ESR1: variants seen among roughly 807,000 people sequenced by gnomAD.
ESR1 encodes estrogen receptor.
ESR1 carries 12 observed loss-of-function variants against 52.7 expected under a neutral mutation model. That is an observed-to-expected ratio of 0.23 (90% CI 0.15 to 0.37). The LOEUF is 0.37. ESR1 is among the 10% of genes least tolerant of loss of function. The probability of loss-of-function intolerance (pLI) is 1.00; values close to 1 mark genes in which losing one functional copy is unlikely to be tolerated. For synonymous variants in ESR1, 305 were observed against 316.8 expected, an observed-to-expected ratio of 0.96 and a Z score of 0.39; for missense variants, 584 against 779.7, an observed-to-expected ratio of 0.75 and a Z score of 2.99.
At chr6:152,087,260 G>A (rs1188864608) in intron 6 of ESR1, among the ~76,000 whole-genome samples, 1 of 152,120 alleles carries the variant, frequency 6.6e-6, no homozygotes, top group African/African-American at 2.4e-5. Context: ...GAAGAGAAAT[G>A]ACTTCTAAAT....
intron 4 of ESR1, among the ~76,000 whole-genome samples, chr6:151,992,470 C>G (rs1453241672): frequency 6.6e-6 from 1 of 152,082 alleles, no homozygotes; most frequent in Non-Finnish European, 1.5e-5. Flanking sequence ...TTTATGTTTT[C>G]TTATGCGTTT....
chr6:151,992,445 T>A (rs2041115147), intron 4 of ESR1, among the ~76,000 whole-genome samples: 1 of 152,258 alleles, frequency 6.6e-6, no homozygotes, highest in Non-Finnish European at 1.5e-5. Flanking sequence ...CTTGACATAA[T>A]GTTTTCAAGG....
intron 1 of ESR1, among the ~76,000 whole-genome samples, chr6:151,666,314 G>C (rs571361727): frequency 6.6e-6 from 1 of 152,156 alleles, no homozygotes; most frequent in African/African-American, 2.4e-5. Context: ...AGAGACACAC[G>C]CACTTCCTTT....
intron 2 of ESR1, among the ~76,000 whole-genome samples, chr6:151,726,370 C>T (rs1446211989): frequency 2.0e-5 from 3 of 150,930 alleles, no homozygotes; most frequent in South Asian, 4.2e-4. Context: ...CTCACTCTGT[C>T]GCCCAGGCTG....
At chr6:152,008,788 T>C (rs1022993707) in intron 4 of ESR1, among the ~76,000 whole-genome samples, 1 of 151,526 alleles carries the variant, frequency 6.6e-6, no homozygotes, top group Admixed American at 6.6e-5. Flanking sequence ...AAGCCTCCCT[T>C]TTGAATGTTA....
upstream of ESR1, among the ~76,000 whole-genome samples, chr6:151,686,965 G>A (rs991651530): frequency 1.2e-4 from 18 of 152,162 alleles, no homozygotes; most frequent in Non-Finnish European, 1.8e-4. Flanking sequence ...CAGCTCATGG[G>A]CTTTCTCTGT....
intron 1 of ESR1, among the ~76,000 whole-genome samples, chr6:151,666,779 G>A (rs1376149149): frequency 2.1e-5 from 3 of 143,792 alleles, no homozygotes; most frequent in Non-Finnish European, 4.5e-5. Context: ...GTTGCAGAAC[G>A]AATGAAGGCA....
chr6:151,686,064 A>ATTTTTTTTTTTTTTTTTTTTTTTTTTTT (rs557270210), upstream of ESR1, among the ~76,000 whole-genome samples: 14 of 114,338 alleles, frequency 1.2e-4, no homozygotes, highest in African/African-American at 4.6e-4. Flanking sequence ...AATTAAAACA[A>ATTTTTTTTTTTTTTTTTTTTTTTTTTTT]TTTTTTTTTT....
intron 4 of ESR1, among the ~76,000 whole-genome samples, chr6:151,958,743 G>A (rs3020396): frequency 0.55 from 83,299 of 152,022 alleles, 24,940 homozygotes; most frequent in Middle Eastern, 0.72. Flanking sequence ...TTATCTGTAC[G>A]TGAGAGAACA....
chr6:151,762,904 C>T (rs984495274), intron 2 of ESR1, among the ~76,000 whole-genome samples: 5 of 152,088 alleles, frequency 3.3e-5, no homozygotes, highest in African/African-American at 7.2e-5. Context: ...CACGCCACTG[C>T]ACTCTAGCCT....
intron 2 of ESR1, among the ~76,000 whole-genome samples, chr6:151,855,463 C>G (rs777932311): frequency 6.6e-6 from 1 of 152,166 alleles, no homozygotes; most frequent in Non-Finnish European, 1.5e-5. Flanking sequence ...CTGTCCACAC[C>G]TAGAGACCTC....
At chr6:152,063,771 G>A (rs1317460466) in intron 6 of ESR1, among the ~76,000 whole-genome samples, 1 of 152,176 alleles carries the variant, frequency 6.6e-6, no homozygotes, top group Non-Finnish European at 1.5e-5. Flanking sequence ...AACGGCTCAG[G>A]AAACCTGAGC....
At chr6:151,936,138 C>T (rs551097132) in intron 3 of ESR1, 1 of 152,322 alleles carries the variant, frequency 6.6e-6, no homozygotes, top group Admixed American at 6.5e-5. Flanking sequence ...TAGACAACAA[C>T]CTTGTCTCCC....
At chr6:151,779,899 C>CAAAA (rs1192077755) in intron 2 of ESR1, among the ~76,000 whole-genome samples, 1 of 44,722 alleles carries the variant, frequency 2.2e-5, no homozygotes, top group Non-Finnish European at 4.7e-5. Context: ...GACTCCGTCT[C>CAAAA]AAAAAAAAAA....
intron 1 of ESR1, among the ~76,000 whole-genome samples, chr6:151,809,858 C>T (rs1778520527): frequency 6.6e-6 from 1 of 151,900 alleles, no homozygotes; most frequent in South Asian, 2.1e-4. Context: ...AAAAGGATTT[C>T]TTCTGCCCAC....
rs148477154 is a variant in ESR1 at position 151,773,712 on chromosome 6, C to A, written c.-70-34131C>A. Among the ~76,000 whole-genome samples the A allele has an allele frequency of 6.0e-3, 916 of 152,276 alleles. 15 individuals are homozygous for A. Among genetic ancestry groups the A allele is most frequent in the African/African-American group, 0.02 (848 of 41,536 alleles). On this transcript the variant is annotated intron_variant, in intron 2 of 2. Transcript: ENST00000404742. ...GCAAGTAGGAATCCTGACATCTTCT[C>A]TTTTTCACTTGTTTATGAGACCCTG...
chr6:151,973,955 T>A (rs906110507), intron 4 of ESR1, among the ~76,000 whole-genome samples: 4 of 152,198 alleles, frequency 2.6e-5, no homozygotes, highest in African/African-American at 9.7e-5. Flanking sequence ...AAACTTTTTC[T>A]GTAAAGGCCA....
chr6:151,882,168 A>G (rs1465954387), intron 3 of ESR1, among the ~76,000 whole-genome samples: 1 of 152,196 alleles, frequency 6.6e-6, no homozygotes, highest in East Asian at 1.9e-4. Context: ...GGAAAGACCA[A>G]GAATGGAGAT....
chr6:151,925,897 T>A (rs963215513), intron 3 of ESR1, among the ~76,000 whole-genome samples: 1 of 152,138 alleles, frequency 6.6e-6, no homozygotes, highest in African/African-American at 2.4e-5. Flanking sequence ...CATATAGAAT[T>A]TTTTCTGTTT....
Sources: allele counts gnomAD v4.1 joint callset (sites outside exome capture counted in the v4.1 genomes callset), GRCh38; gene constraint gnomAD v4.1.1; transcripts MANE v1.5; gene names NCBI Gene and HGNC (gene_info 2026-07-23, HGNC 2026-07-21).